The following MTMR14 variants were observed in gnomAD, a reference collection of about 807,000 sequenced individuals.
MTMR14 encodes phosphatidylinositol-3,5-bisphosphate 3-phosphatase MTMR14.
MTMR14 carries 48 observed loss-of-function variants against 86.3 expected under a neutral mutation model. That is an observed-to-expected ratio of 0.56 (90% confidence interval 0.44 to 0.71). MTMR14 has a LOEUF of 0.71. MTMR14 is among the 30% of genes least tolerant of loss of function. The pLI is 0.00. For synonymous variants in MTMR14, 366 were observed against 326.1 expected, an observed-to-expected ratio of 1.12 and a Z score of -1.32; for missense variants, 780 against 834.6, an observed-to-expected ratio of 0.93 and a Z score of 0.81.
Position 9,670,964 on chromosome 3 carries a change from C to T in MTMR14, c.555-84C>T, listed in dbSNP as rs993250262. On this transcript the variant is annotated intron_variant, in intron 5 of 18. Transcript: ENST00000296003. ...CCAGCTTCTGGAGAAGAGTGACATC[C>T]ATACTTCCCTGAATGAGTGCCCACC... The T allele has an allele frequency of 1.9e-6, 3 of 1,565,182 alleles. No homozygotes were observed. The South Asian group carries it at 3.3e-5, about 17-fold the overall frequency.
chr3:9,700,837 T>TA (rs2076433126), intron 18 of MTMR14: 1 of 151,430 alleles, frequency 6.6e-6, no homozygotes, highest in Non-Finnish European at 1.5e-5. Context: ...TTTTTTTTTT[T>TA]AGACACAGTC....
intron 15 of MTMR14, 71 bp from the exon 16 acceptor site, chr3:9,688,873 G>C: frequency 6.2e-7 from 1 of 1,607,326 alleles, no homozygotes; most frequent in Middle Eastern, 1.7e-4. Context: ...CCAGTTATGT[G>C]GTATAGAAAA....
intron 16 of MTMR14, among the ~76,000 whole-genome samples, chr3:9,689,520 C>G (rs980506158): frequency 1.3e-5 from 2 of 152,172 alleles, no homozygotes; most frequent in African/African-American, 4.8e-5. Flanking sequence ...TCACCCTGGA[C>G]AGATGGCTCA....
intron 2 of MTMR14, among the ~76,000 whole-genome samples, chr3:9,657,161 G>A (rs778442703): frequency 6.6e-6 from 1 of 151,456 alleles, no homozygotes; most frequent in South Asian, 2.1e-4. Context: ...TCCTCACCTC[G>A]GCCTTTCAAA....
chr3:9,683,119 A>T (rs1369349551), intron 9 of MTMR14, 59 bp from the exon 10 acceptor site: 15 of 1,522,858 alleles, frequency 9.8e-6, no homozygotes, highest in Non-Finnish European at 1.3e-5. Context: ...TTTATTTTTT[A>T]AATACTTTAA....
chr3:9,686,624 A>G (rs1324132129), intron 13 of MTMR14, among the ~76,000 whole-genome samples: 1 of 152,252 alleles, frequency 6.6e-6, no homozygotes, highest in Non-Finnish European at 1.5e-5. Context: ...ATTAAAGACT[A>G]CAAAGTCTGT....
Position 9,701,909 on chromosome 3 carries a change from G to A in MTMR14, c.1889G>A (p.Gly630Glu). 6.2e-7 allele frequency: 1 copy of A among 1,614,210 alleles called. No homozygotes were observed. The highest frequency in any genetic ancestry group is 8.5e-7 in the Non-Finnish European group (1 of 1,180,052). The change falls in exon 19 of 19, where the codon GGG (glycine) becomes GAG (glutamate). Residue 630 changes from glycine (G) to glutamate (E), a missense_variant. By Grantham distance (98) the Gly-to-Glu change is moderately conservative. Transcript: ENST00000296003. This position sits in a 1 kb window ranked among gnomAD's most constrained non-coding sequence, Gnocchi z 4.2. Reference sequence around the variant, plus strand: ...GCCCCCAGTCCTTCCGGTGCCATCGGGGGCCTGCTGGAGCAATTTGCCCGT... The same window carrying A: ...GCCCCCAGTCCTTCCGGTGCCATCGAGGGCCTGCTGGAGCAATTTGCCCGT... ...AVAPSPSGAI[G>E]GLLEQFARGV...
chr3:9,688,628 T>C lies in MTMR14; in HGVS notation c.1236-68T>C, dbSNP rs374822505. The stretch of plus-strand genomic sequence containing the variant: ...GAGCTGCTTTCCAGGACAGGCAGGA[T>C]TGGGAACGGGGGACACAATAAGACC... On this transcript the variant is annotated intron_variant, in intron 14 of 18. Coordinates refer to ENST00000296003, the MANE Select transcript of MTMR14 (RefSeq NM_001077525.3). 488 of 1,578,914 alleles carry C rather than the reference T, an allele frequency of 3.1e-4. 1 individual carries two copies. In the African/African-American group the frequency reaches 5.9e-3, roughly 19 times the overall value.
intron 7 of MTMR14, among the ~76,000 whole-genome samples, chr3:9,675,212 G>C (rs1315500140): frequency 2.0e-5 from 3 of 152,114 alleles, no homozygotes; most frequent in Non-Finnish European, 4.4e-5. Context: ...AGGGTAATGA[G>C]GATCAATAAA....
In MTMR14 at chr3:9,682,322, G is replaced by A. The variant is rs370513565; in HGVS notation, c.898-856G>A. Among the ~76,000 whole-genome samples the A allele has an allele frequency of 2.9e-4, 44 of 152,264 alleles. No individual in the cohort carries two copies. In the East Asian group the frequency reaches 8.3e-3, roughly 29 times the overall value. On this transcript the variant is annotated intron_variant, in intron 9 of 18. Coordinates refer to ENST00000296003, the MANE Select transcript of MTMR14 (RefSeq NM_001077525.3). ...AAGCCACTCCAATTACAGGTGCCGT[G>A]TTCCCCCTCCCCCTGGGAAGTGCTG...
At chr3:9,652,004 A>G (rs1315792832) in intron 1 of MTMR14, among the ~76,000 whole-genome samples, 3 of 151,936 alleles carry the variant, frequency 2.0e-5, no homozygotes, top group Non-Finnish European at 2.9e-5. Flanking sequence ...GCTAATTTTT[A>G]TATTTTTAAT....
Position 9,701,306 on chromosome 3 carries a change from T to C in MTMR14, c.1770-484T>C. On this transcript the variant is annotated intron_variant, in intron 18 of 18. Coordinates refer to ENST00000296003, the MANE Select transcript of MTMR14 (RefSeq NM_001077525.3). The surrounding 1 kb of genome is among the most constrained non-coding windows in gnomAD (Gnocchi z 4.2). ...CAGGCCAGGCACAGTTGCTCACGCC[T>C]GTAATCCCAGTACTGTGGGACGCCA... 5.0e-6 allele frequency: 1 copy of C among 199,978 alleles called. No homozygotes were observed. The highest frequency in any genetic ancestry group is 1.0e-5 in the Non-Finnish European group (1 of 96,492). The allele number at this position is 199,978 out of a possible 1,614,324, so 12.4% of individuals were successfully genotyped here. A position where few individuals can be genotyped will look rare whatever the true frequency, so the allele number is the denominator to read the frequency against.
At chr3:9,672,116 A>T (rs1289661156) in intron 6 of MTMR14, among the ~76,000 whole-genome samples, 1 of 152,196 alleles carries the variant, frequency 6.6e-6, no homozygotes, top group Admixed American at 6.5e-5. Context: ...GAGTGGCTAC[A>T]CTGTGTGCAT....
At chr3:9,680,674 T>C (rs926478981) in intron 9 of MTMR14, among the ~76,000 whole-genome samples, 1 of 152,026 alleles carries the variant, frequency 6.6e-6, no homozygotes, top group African/African-American at 2.4e-5. Flanking sequence ...TGAAACCCAA[T>C]CTCTACTAAA....
chr3:9,650,611 C>T (rs957334813), intron 1 of MTMR14: 1 of 278,004 alleles, frequency 3.6e-6, no homozygotes, highest in Non-Finnish European at 7.5e-6. Flanking sequence ...GACTTCCTCA[C>T]TCTCCAAATG....
At chr3:9,653,931 A>G in intron 2 of MTMR14, 162 bp downstream of exon 2, 1 of 935,604 alleles carries the variant, frequency 1.1e-6, no homozygotes, top group Admixed American at 1.9e-5. Flanking sequence ...CAGACTGGCA[A>G]GGTGGCATGG....
rs544390410 is a variant in MTMR14, at chr3:9,686,588, C to T, written c.1165-1233C>T. On this transcript the variant is annotated intron_variant, in intron 13 of 18. Transcript: ENST00000296003. The stretch of plus-strand genomic sequence containing the variant: ...GTCTCCCCACCTCACCTTGGAGGTT[C>T]GGGGAACATATTAGCATATTAGCAT... Among the ~76,000 whole-genome samples the T allele has an allele frequency of 2.6e-5, 4 of 152,292 alleles. No individual in the cohort carries two copies. In the South Asian group the frequency reaches 6.2e-4, roughly 24 times the overall value.
intron 3 of MTMR14, 54 bp from the exon 4 acceptor site, chr3:9,668,665 A>T (rs775554807): frequency 6.3e-7 from 1 of 1,589,168 alleles, no homozygotes; most frequent in Non-Finnish European, 8.6e-7. Flanking sequence ...TGTTCCTTCA[A>T]CTGTGCATGC....
At chr3:9,682,650 C>G (rs1412449726) in intron 9 of MTMR14, among the ~76,000 whole-genome samples, 1 of 152,178 alleles carries the variant, frequency 6.6e-6, no homozygotes, top group Admixed American at 6.5e-5. Context: ...TATTATTCAT[C>G]AAAAGATAGT....
Sources: gnomAD v4.1 joint callset for allele counts (sites outside exome capture counted in the v4.1 genomes callset) on GRCh38, gnomAD v4.1.1 for gene constraint, Gnocchi (gnomAD v3.1) non-coding constraint, MANE v1.5 for transcripts, NCBI Gene and HGNC (gene_info 2026-07-23, HGNC 2026-07-21) for gene names.